The following COPS7B variants were observed in gnomAD, a reference collection of about 807,000 sequenced individuals.
COPS7B encodes the protein COP9 signalosome subunit 7B.
In COPS7B, 9 loss-of-function variants were observed where a neutral mutation model predicts 33.4. That is an observed-to-expected ratio of 0.27 (90% confidence interval 0.16 to 0.47). COPS7B has a LOEUF of 0.47. COPS7B is among the 20% of genes least tolerant of loss of function. The pLI, the probability that COPS7B is intolerant of heterozygous loss-of-function variation, is 0.99. For missense variants in COPS7B, 242 were observed against 318.2 expected, an observed-to-expected ratio of 0.76 and a Z score of 1.82; for synonymous variants, 119 against 126.3, an observed-to-expected ratio of 0.94 and a Z score of 0.39.
At chr2:231,802,522 T>A (rs886328132) in intron 6 of COPS7B, among the ~76,000 whole-genome samples, 1 of 152,216 alleles carries the variant, frequency 6.6e-6, no homozygotes, top group Non-Finnish European at 1.5e-5. Flanking sequence ...CTGAGGTTCA[T>A]GTTTTGAGGA....
rs747668433 is a variant in COPS7B at position 231,796,159 on chromosome 2, A to T, written c.381A>T (p.Glu127Asp). 30 of 1,614,062 alleles carry T rather than the reference A, an allele frequency of 1.9e-5. No individual in the cohort carries two copies. The highest frequency in any genetic ancestry group is 5.3e-5 in the African/African-American group (4 of 74,924). ...ACCTGGAGATGCGGAATCTCCGGGA[A>T]CTAGAAGACCTTATCATTGAGGCTG... Reference protein sequence around the residue: ...LKDLEMRNLRELEDLIIEAVY... With the variant: ...LKDLEMRNLRDLEDLIIEAVY... The change falls in exon 5 of 7, where the codon GAA becomes GAT. Residue 127 changes from glutamate to aspartate, a missense_variant. By Grantham distance (45) the Glu-to-Asp change is conservative. Transcript: ENST00000350033.
chr2:231,799,056 T>A, intron 6 of COPS7B, 92 bp downstream of exon 6: 1 of 1,167,686 alleles, frequency 8.6e-7, no homozygotes, highest in Non-Finnish European at 1.2e-6. Context: ...AATCTTGGTG[T>A]AGATGAAACA....
In COPS7B at chr2:231,807,612, CA is replaced by C; in HGVS notation, c.765del (p.Val256Ter). 1 of 1,565,852 alleles carries C rather than the reference CA, an allele frequency of 6.4e-7. No homozygotes were observed. Among genetic ancestry groups the C allele is most frequent in the Non-Finnish European group, 8.7e-7 (1 of 1,155,362 alleles). ...AGAGGCAGCCCACCAAGAAGATGTC[CA>C]AAGTGAAAGGTCTGGTCTCCAGCCG... is the stretch of plus-strand genomic sequence containing the variant. ...EQRQPTKKMSKVKGLVSSRH is the reference protein window; with the variant it reads ...EQRQPTKKMSXVKGLVSSRH On this transcript the variant is annotated frameshift_variant, in exon 7 of 7. Transcript: ENST00000350033. LOFTEE classifies it high-confidence loss of function.
At chr2:231,781,807 C>T (rs777512874), upstream of COPS7B, 2 of 1,550,094 alleles carry the variant, frequency 1.3e-6, no homozygotes, top group Non-Finnish European at 8.7e-7. Context: ...GAAGACCCTT[C>T]TCACCCTCAA....
At chr2:231,783,945 G>T (rs141529407), upstream of COPS7B, among the ~76,000 whole-genome samples, 1 of 152,124 alleles carries the variant, frequency 6.6e-6, no homozygotes, top group African/African-American at 2.4e-5. Flanking sequence ...CAATAGTTCC[G>T]TGCTTTTTAT....
chr2:231,784,456 G>A (rs542255149), upstream of COPS7B, among the ~76,000 whole-genome samples: 21 of 151,898 alleles, frequency 1.4e-4, no homozygotes, highest in Middle Eastern at 3.2e-3. Context: ...CACTCCAGCC[G>A]CGGTGACAGA....
Position 231,808,509 on chromosome 2 carries a change from C to T in COPS7B, c.*864C>T, listed in dbSNP as rs534971537. ...GGCTGCACCTGGGTAGGGATGGTGG[C>T]ATCGATGCCCCTCTGTCTGCTGAAG... is the stretch of plus-strand genomic sequence containing the variant. On this transcript the variant is annotated 3_prime_UTR_variant, in exon 7 of 7. Transcript: ENST00000350033. 8 of 471,376 alleles carry T rather than the reference C, an allele frequency of 1.7e-5. No individual in the cohort carries two copies. Among genetic ancestry groups the T allele is most frequent in the African/African-American group, 1.0e-4 (5 of 50,144 alleles). The allele number at this position is 471,376 out of a possible 1,614,324, so 29.2% of individuals were successfully genotyped here. A position where few individuals can be genotyped will look rare whatever the true frequency, so the allele number is the denominator to read the frequency against.
intron 6 of COPS7B, among the ~76,000 whole-genome samples, chr2:231,802,771 G>T (rs1431523366): frequency 6.6e-6 from 1 of 152,264 alleles, no homozygotes; most frequent in Admixed American, 6.5e-5. Context: ...CCAGCTACTG[G>T]AAGAAGCTAG....
chr2:231,791,696 A>C (rs748855416), intron 2 of COPS7B, 37 bp from the exon 3 acceptor site: 1 of 1,570,250 alleles, frequency 6.4e-7, no homozygotes, highest in Non-Finnish European at 8.8e-7. Flanking sequence ...ATTGGTAGAC[A>C]GTTTGGTCTG....
intron 1 of COPS7B, among the ~76,000 whole-genome samples, chr2:231,787,767 T>A (rs1350968083): frequency 6.6e-6 from 1 of 152,236 alleles, no homozygotes; most frequent in African/African-American, 2.4e-5. Context: ...ACATCTTTCT[T>A]GTCTGGTTTT....
chr2:231,803,930 G>T (rs554131681), intron 6 of COPS7B, among the ~76,000 whole-genome samples: 1 of 152,288 alleles, frequency 6.6e-6, no homozygotes, highest in East Asian at 1.9e-4. Flanking sequence ...TGCCGTTGGT[G>T]GATGTGCCAC....
chr2:231,783,671 A>G (rs2049177686), upstream of COPS7B, among the ~76,000 whole-genome samples: 2 of 152,238 alleles, frequency 1.3e-5, no homozygotes, highest in South Asian at 2.1e-4. Context: ...TGCTTTGCAG[A>G]TATCTTTTCC....
At chr2:231,791,349 G>A (rs1187045301) in intron 2 of COPS7B, among the ~76,000 whole-genome samples, 2 of 152,184 alleles carry the variant, frequency 1.3e-5, no homozygotes, top group Non-Finnish European at 2.9e-5. Context: ...GGTTGGTGGT[G>A]GCTCATGCCA....
chr2:231,805,550 A>G (rs2049870691), intron 6 of COPS7B, among the ~76,000 whole-genome samples: 1 of 151,000 alleles, frequency 6.6e-6, no homozygotes, highest in African/African-American at 2.4e-5. Context: ...TGCAGCCTCA[A>G]ACTCCTGGAC....
upstream of COPS7B, chr2:231,781,816 A>C: frequency 1.9e-6 from 3 of 1,550,656 alleles, no homozygotes; most frequent in Non-Finnish European, 2.6e-6. Context: ...TCTCACCCTC[A>C]AAAGAAGATG....
At chr2:231,786,585 C>T in intron 1 of COPS7B, 47 bp downstream of exon 1, 1 of 902,332 alleles carries the variant, frequency 1.1e-6, no homozygotes, top group Non-Finnish European at 1.3e-6. Flanking sequence ...GCGCTCCAGG[C>T]TCGGCCAGAC....
chr2:231,795,120 C>T (rs1382782430), intron 4 of COPS7B, among the ~76,000 whole-genome samples: 1 of 151,932 alleles, frequency 6.6e-6, no homozygotes, highest in Non-Finnish European at 1.5e-5. Context: ...GGTTTCATCA[C>T]GTTGGCCAGG....
rs559625135 is a variant in COPS7B, at chr2:231,806,567, A to G, written c.637-920A>G. ...GACTCTGTCTCCAAAAAAAAAAAAA[A>G]AAAAGACTAAAAAAGCTATTACTTA... On this transcript the variant is annotated intron_variant, in intron 6 of 6. Coordinates refer to ENST00000350033, the MANE Select transcript of COPS7B (RefSeq NM_022730.4). 1.2e-3 allele frequency among the ~76,000 whole-genome samples: 181 copies of G among 151,958 alleles called. 1 individual carries two copies. Among genetic ancestry groups the G allele is most frequent in the African/African-American group, 4.2e-3 (174 of 41,416 alleles).
upstream of COPS7B, chr2:231,786,252 C>G (rs1194161384): frequency 5.8e-6 from 1 of 171,936 alleles, no homozygotes; most frequent in East Asian, 1.9e-4. Flanking sequence ...TCCTTGGGCC[C>G]CTAGCCACCC....
Sources: allele counts gnomAD v4.1 joint callset (sites outside exome capture counted in the v4.1 genomes callset), GRCh38; gene constraint gnomAD v4.1.1; transcripts MANE v1.5; gene names NCBI Gene and HGNC (gene_info 2026-07-23, HGNC 2026-07-21).